Variants in SIGLEC1 observed in about 807,000 individuals in gnomAD.
SIGLEC1 encodes sialoadhesin.
SIGLEC1 carries 132 observed loss-of-function variants against 148.0 expected under a neutral mutation model. That is an observed-to-expected ratio of 0.89 (90% CI 0.77 to 1.03). The LOEUF is 1.03. Among genes scored for constraint, SIGLEC1 ranks in the 50% least tolerant of loss-of-function variants. The pLI is 0.00. For missense variants in SIGLEC1, 2,253 were observed against 2,271.4 expected, an observed-to-expected ratio of 0.99 and a Z score of 0.16; for synonymous variants, 945 against 969.0, an observed-to-expected ratio of 0.98 and a Z score of 0.46.
chr20:3,697,157 CA>C lies in SIGLEC1; in HGVS notation c.2307del (p.Ala770ProfsTer8), dbSNP rs766525602. On this transcript the variant is annotated frameshift_variant, in exon 10 of 22. Coordinates refer to ENST00000344754, the MANE Select transcript of SIGLEC1 (RefSeq NM_023068.4). LOFTEE classifies it high-confidence loss of function. ...GTCAGGATGCGGCAGGCGTAAAGGGCAGCATCAGTTCTGGCCACGGGCAGCA... is the reference window on the plus strand; with the variant it reads ...GTCAGGATGCGGCAGGCGTAAAGGGCGCATCAGTTCTGGCCACGGGCAGCA... ...VTLLPVARTD[A>X]ALYACRILTE... The C allele has an allele frequency of 6.2e-7, 1 of 1,613,776 alleles. No individual in the cohort carries two copies. Among genetic ancestry groups the C allele is most frequent in the South Asian group, 1.1e-5 (1 of 91,090 alleles).
intron 2 of SIGLEC1, among the ~76,000 whole-genome samples, 163 bp from the exon 3 acceptor site, chr20:3,706,869 G>T (rs2146532627): frequency 6.6e-6 from 1 of 152,328 alleles, no homozygotes; most frequent in South Asian, 2.1e-4. Flanking sequence ...GTGCCCCAGG[G>T]GTCAGTCCAC....
In SIGLEC1 at chr20:3,692,871, G is replaced by T; in HGVS notation, c.3769C>A (p.Arg1257=). 6.2e-7 allele frequency: 1 copy of T among 1,608,964 alleles called. No individual in the cohort carries two copies. The change falls in exon 15 of 22, where the codon CGG becomes AGG. Residue 1257 remains arginine (R), a synonymous_variant. Coordinates refer to ENST00000344754, the MANE Select transcript of SIGLEC1 (RefSeq NM_023068.4). ...CTAGGCCCTGCCTTACCCTCCAGCC[G>T]CAGCTCCAGGGACGTGTTGGCCTGG... ...LGQANTSLEL[R]LEGVRVILAP...
In SIGLEC1 at chr20:3,696,770, C is replaced by T. The variant is rs768006530; in HGVS notation, c.2499G>A (p.Glu833=). The T allele has an allele frequency of 3.7e-6, 6 of 1,613,048 alleles. No individual in the cohort carries two copies. The highest frequency in any genetic ancestry group is 2.7e-5 in the African/African-American group (2 of 74,934). Residue 833 remains glutamate (E), a synonymous_variant, in exon 11 of 22, where the codon GAG becomes GAA. Coordinates refer to ENST00000344754, the MANE Select transcript of SIGLEC1 (RefSeq NM_023068.4). The part of the protein sequence containing the change: ...PLALLALFHG[E]HLLATSLGPQ... ...GACCCAGGCTGGTGGCCAGGAGGTGCTCCCCATGGAACAAGGCCAGCAAGG... is the reference window on the plus strand; with the variant it reads ...GACCCAGGCTGGTGGCCAGGAGGTGTTCCCCATGGAACAAGGCCAGCAAGG...
chr20:3,692,871 G>A lies in SIGLEC1; in HGVS notation c.3769C>T (p.Arg1257Trp), dbSNP rs138190270. 67 of 1,608,846 alleles carry A rather than the reference G, an allele frequency of 4.2e-5. No homozygotes were observed. The highest frequency in any genetic ancestry group is 1.8e-4 in the Admixed American group (11 of 59,868). ...CTAGGCCCTGCCTTACCCTCCAGCC[G>A]CAGCTCCAGGGACGTGTTGGCCTGG... ...LGQANTSLEL[R>W]LEGVRVILAP... The change falls in exon 15 of 22, where the codon CGG (arginine) becomes TGG (tryptophan). Residue 1257 changes from arginine to tryptophan, a missense_variant. Physicochemically the swap from Arg to Trp is moderately radical, Grantham distance 101. Transcript: ENST00000344754.
chr20:3,700,309 G>T (rs1459133574), intron 7 of SIGLEC1, among the ~76,000 whole-genome samples: 1 of 151,610 alleles, frequency 6.6e-6, no homozygotes, highest in Non-Finnish European at 1.5e-5. Context: ...GTGGAGACGG[G>T]GTTTCACCAC....
intron 11 of SIGLEC1, 140 bp downstream of exon 11, chr20:3,696,446 T>G (rs1372407335): frequency 5.1e-6 from 2 of 395,190 alleles, no homozygotes; most frequent in East Asian, 4.9e-5. Flanking sequence ...AGGGAGGCCT[T>G]CTGCTGGCTG....
Position 3,706,353 on chromosome 20 carries a change from CTG to C in SIGLEC1, c.401_402del (p.Thr134SerfsTer58). 1 of 1,608,946 alleles carries C rather than the reference CTG, an allele frequency of 6.2e-7. No individual in the cohort carries two copies. Among genetic ancestry groups the C allele is most frequent in the East Asian group, 2.2e-5 (1 of 44,760 alleles). On this transcript the variant is annotated frameshift_variant, in exon 3 of 22. Coordinates refer to ENST00000344754, the MANE Select transcript of SIGLEC1 (RefSeq NM_023068.4). LOFTEE classifies it high-confidence loss of function. Reference protein sequence around the residue: ...RWSDVKGTLVTVTEEPRVPTI... With the variant: ...RWSDVKGTLVXVTEEPRVPTI... ...AGGCCACCCCACTTATCACCTGTTA[CTG>C]TGACCAAGGTGCCTTTCACATCTGA...
chr20:3,692,268 G>C, intron 16 of SIGLEC1, 66 bp from the exon 17 acceptor site: 1 of 1,454,302 alleles, frequency 6.9e-7, no homozygotes, highest in Non-Finnish European at 9.1e-7. Flanking sequence ...TTGCCTAGCT[G>C]CCTGGGGTTG....
chr20:3,709,854 G>A (rs1013129152), intron 1 of SIGLEC1, among the ~76,000 whole-genome samples: 2 of 152,158 alleles, frequency 1.3e-5, no homozygotes, highest in African/African-American at 4.8e-5. Flanking sequence ...TCTAGACTAC[G>A]TATATTCAGA....
In SIGLEC1 at chr20:3,703,284, T is replaced by G. The variant is rs1212386635; in HGVS notation, c.1141A>C (p.Thr381Pro). ...AAGTAGAAGCCAGTATCAGCCCTAGTGGCCAAGTGCAGCCGGAGGGTATGG... is the reference window on the plus strand; with the variant it reads ...AAGTAGAAGCCAGTATCAGCCCTAGGGGCCAAGTGCAGCCGGAGGGTATGG... Reference protein sequence around the residue: ...HSHTLRLHLATRADTGFYFCE... With the variant: ...HSHTLRLHLAPRADTGFYFCE... Residue 381 changes from threonine (T) to proline (P), a missense_variant, in exon 6 of 22, where the codon ACT (threonine) becomes CCT (proline). Coordinates refer to ENST00000344754, the MANE Select transcript of SIGLEC1 (RefSeq NM_023068.4). 6.2e-7 allele frequency: 1 copy of G among 1,614,152 alleles called. No individual in the cohort carries two copies. The highest frequency in any genetic ancestry group is 8.5e-7 in the Non-Finnish European group (1 of 1,180,018).
In SIGLEC1 at chr20:3,699,164, G is replaced by A. The variant is rs1440651005; in HGVS notation, c.1786+38C>T. ...CTAGAGGAGGTGGGGTGGCTGGTGG[G>A]TCCCGGCAGGAGGCTGCAACAGGTG... On this transcript the variant is annotated intron_variant, in intron 8 of 21. Coordinates refer to ENST00000344754, the MANE Select transcript of SIGLEC1 (RefSeq NM_023068.4). 25 of 1,596,950 alleles carry A rather than the reference G, an allele frequency of 1.6e-5. No individual in the cohort carries two copies. In the East Asian group the frequency reaches 5.7e-4, roughly 36 times the overall value.
At position 3,690,221 on chromosome 20, in the gene SIGLEC1, C is replaced by A. The variant is rs757171944; in HGVS notation, c.4635G>T (p.Glu1545Asp). ...TPTMMVFVEP[E>D]GGLRGILDCR... ...AATCCAGGATGCCCCGGAGGCCACC[C>A]TCAGGCTCCACGAAGACCATCATGG... Residue 1545 changes from glutamate to aspartate, a missense_variant, in exon 19 of 22, where the codon GAG becomes GAT. Physicochemically the swap from Glu to Asp is conservative, Grantham distance 45. Transcript: ENST00000344754. The A allele has an allele frequency of 2.6e-6, 4 of 1,554,248 alleles. No individual in the cohort carries two copies. The highest frequency in any genetic ancestry group is 2.4e-5 in the South Asian group (2 of 84,324).
chr20:3,694,799 G>C lies in SIGLEC1; in HGVS notation c.2808C>G (p.Pro936=), dbSNP rs754081620. 1 of 1,613,644 alleles carries C rather than the reference G, an allele frequency of 6.2e-7. No homozygotes were observed. The highest frequency in any genetic ancestry group is 1.1e-5 in the South Asian group (1 of 91,086). Residue 936 remains proline, a synonymous_variant, in exon 12 of 22, where the codon CCC becomes CCG. Coordinates refer to ENST00000344754, the MANE Select transcript of SIGLEC1 (RefSeq NM_023068.4). The part of the protein sequence containing the change: ...TSYRWYRDGQ[P]LQESTSATLR... ...GCGTGGCCGAGGTCGACTCCTGGAG[G>C]GGCTGGCCATCCCGATACCAACGAT...
intron 13 of SIGLEC1, 43 bp downstream of exon 13, chr20:3,694,174 GACAC>G (rs59383643): frequency 0.026 from 30,194 of 1,151,742 alleles, 12 homozygotes; most frequent in East Asian, 0.051. Flanking sequence ...TCTTTTAAAG[GACAC>G]ACACACACAC....
chr20:3,706,806 C>A, intron 2 of SIGLEC1, 100 bp from the exon 3 acceptor site: 1 of 1,371,864 alleles, frequency 7.3e-7, no homozygotes, highest in Admixed American at 2.6e-5. Flanking sequence ...CCCAGCTGGG[C>A]TCCCAAATTC....
In SIGLEC1 at chr20:3,690,824, C is replaced by CTTTTTTTTTTTTTTTTTTTTTTT; in HGVS notation, c.4591+515_4591+516insAAAAAAAAAAAAAAAAAAAAAAA. On this transcript the variant is annotated intron_variant, in intron 18 of 21. Transcript: ENST00000344754. ...TTCTTTTGGTTTTTTCTCTTCTTTTCTTTTCTTTTTTTTTTTTTTTTCTTG... is the reference window on the plus strand; with the variant it reads ...TTCTTTTGGTTTTTTCTCTTCTTTTCTTTTTTTTTTTTTTTTTTTTTTTTTTTCTTTTTTTTTTTTTTTTCTTG... 5.0e-4 allele frequency among the ~76,000 whole-genome samples: 63 copies of CTTTTTTTTTTTTTTTTTTTTTTT among 126,846 alleles called. 4 individuals are homozygous for CTTTTTTTTTTTTTTTTTTTTTTT. The highest frequency in any genetic ancestry group is 2.0e-3 in the African/African-American group (59 of 29,884). 83.2% of individuals were successfully genotyped at this position (126,846 alleles called of 152,430 possible).
rs2146520271 is a variant in SIGLEC1, at chr20:3,692,979, G to A, written c.3661C>T (p.Pro1221Ser). 6.2e-7 allele frequency: 1 copy of A among 1,612,514 alleles called. No individual in the cohort carries two copies. The highest frequency in any genetic ancestry group is 2.2e-5 in the East Asian group (1 of 44,886). Residue 1221 changes from proline to serine, a missense_variant, in exon 15 of 22, where the codon CCC becomes TCC. Transcript: ENST00000344754. ...CGCAGCTCCAGGCGCAGGGTGTTGGGGACAGAGGCTGCTGTCGAGGAGGCC... is the reference window on the plus strand; with the variant it reads ...CGCAGCTCCAGGCGCAGGGTGTTGGAGACAGAGGCTGCTGTCGAGGAGGCC... ...LLASSTAASV[P>S]NTLRLELRGP...
At position 3,706,633 on chromosome 20, in the gene SIGLEC1, G is replaced by A. The variant is rs1332930601; in HGVS notation, c.123C>T (p.Cys41=). 1.9e-6 allele frequency: 3 copies of A among 1,590,098 alleles called. No homozygotes were observed. The highest frequency in any genetic ancestry group is 1.7e-4 in the Middle Eastern group (1 of 6,030). ...CCACGTCGGCAGGGAAGCTGAAGAT[G>A]CAGGGGATAAGCAGGCAAGACCCCT... ...GVKGSCLLIP[C]IFSFPADVEV... The change falls in exon 3 of 22, where the codon TGC becomes TGT. Residue 41 remains cysteine (C), a synonymous_variant. Transcript: ENST00000344754.
rs1306903499 is a variant in SIGLEC1 at position 3,694,596 on chromosome 20, G to A, written c.2945-64C>T. Reference sequence around the variant, plus strand: ...GGTCCCTCATCCAGGGCTCTGTCATGTGACACAGCCCAGGACTGGGGGACT... The same window carrying A: ...GGTCCCTCATCCAGGGCTCTGTCATATGACACAGCCCAGGACTGGGGGACT... On this transcript the variant is annotated intron_variant, in intron 12 of 21. Coordinates refer to ENST00000344754, the MANE Select transcript of SIGLEC1 (RefSeq NM_023068.4). 3.2e-6 allele frequency: 5 copies of A among 1,564,200 alleles called. No individual in the cohort carries two copies. The Admixed American group carries it at 7.1e-5, about 22-fold the overall frequency.
Sources: gnomAD v4.1 joint callset for allele counts (sites outside exome capture counted in the v4.1 genomes callset) on GRCh38, gnomAD v4.1.1 for gene constraint, MANE v1.5 for transcripts, NCBI Gene and HGNC (gene_info 2026-07-23, HGNC 2026-07-21) for gene names.